The following SPECC1 variants were observed in gnomAD, a reference collection of about 807,000 sequenced individuals.
SPECC1 encodes cytospin-B.
In SPECC1, 62 loss-of-function variants were observed where a neutral mutation model predicts 104.1. The observed-to-expected ratio is 0.60, with a 90% CI of 0.49 to 0.74. The LOEUF (loss-of-function observed/expected upper bound fraction) is 0.74, where lower values mean the gene tolerates loss of function less well. SPECC1 is among the 30% of genes least tolerant of loss of function. The pLI is 0.00. For missense variants in SPECC1, 1,306 were observed against 1,310.5 expected (o/e 1.00, Z 0.05); for synonymous variants, 513 against 501.6 (o/e 1.02, Z -0.30).
chr17:20,250,763 T>C (rs1328423499), intron 9 of SPECC1, among the ~76,000 whole-genome samples: 1 of 152,152 alleles, frequency 6.6e-6, no homozygotes, highest in Non-Finnish European at 1.5e-5. Context: ...ACAAGAAAAT[T>C]AAAAGGTCTT....
At chr17:20,259,735 CTCTTGGGCTCAAGAGATCTTCTTCCCTT>C (rs1440837156) in intron 11 of SPECC1, among the ~76,000 whole-genome samples, 1 of 152,068 alleles carries the variant, frequency 6.6e-6, no homozygotes, top group African/African-American at 2.4e-5. Context: ...TGGTCTTGAA[CTCTTGGGCTCAAGAGATCTTCTTCCCTT>C]GGCTCGTAAA....
chr17:20,239,098 G>A, intron 7 of SPECC1: 1 of 1,031,090 alleles, frequency 9.7e-7, no homozygotes, highest in Non-Finnish European at 1.2e-6. Context: ...AAAAGGGCAT[G>A]GAGTAAAAAT....
At chr17:20,263,008 A>C (rs1180442812) in intron 12 of SPECC1, among the ~76,000 whole-genome samples, 1 of 151,246 alleles carries the variant, frequency 6.6e-6, no homozygotes, top group Non-Finnish European at 1.5e-5. Flanking sequence ...GAAAAGAAAA[A>C]CCTGTCATGC....
At chr17:20,038,458 G>A (rs1031253469) in intron 1 of SPECC1, among the ~76,000 whole-genome samples, 3 of 145,190 alleles carry the variant, frequency 2.1e-5, no homozygotes, top group African/African-American at 7.8e-5. Context: ...GGCGTGCAGT[G>A]GCACAATCTT....
intron 1 of SPECC1, among the ~76,000 whole-genome samples, chr17:20,013,030 A>T (rs902859945): frequency 6.6e-6 from 1 of 152,170 alleles, no homozygotes; most frequent in South Asian, 2.1e-4. Flanking sequence ...CATGTGTCAG[A>T]ATTTTCTTCA....
At chr17:20,214,556 G>A (rs1173175517) in intron 4 of SPECC1, among the ~76,000 whole-genome samples, 5 of 152,170 alleles carry the variant, frequency 3.3e-5, no homozygotes, top group Non-Finnish European at 7.3e-5. Context: ...TATCCAGGCT[G>A]AGTGCAGTGG....
At chr17:20,156,620 C>G (rs1028396746) in intron 3 of SPECC1, among the ~76,000 whole-genome samples, 3 of 152,076 alleles carry the variant, frequency 2.0e-5, no homozygotes, top group Non-Finnish European at 4.4e-5. Flanking sequence ...TGTCGGCCGC[C>G]GGCCCCGCAG....
intron 1 of SPECC1, among the ~76,000 whole-genome samples, chr17:20,065,514 A>G (rs567544710): frequency 4.6e-5 from 7 of 152,312 alleles, no homozygotes; most frequent in Admixed American, 3.3e-4. Context: ...GTGTAGGACA[A>G]AGGATGGGGA....
At chr17:20,064,614 G>A (rs1216099998) in intron 1 of SPECC1, among the ~76,000 whole-genome samples, 1 of 152,022 alleles carries the variant, frequency 6.6e-6, no homozygotes, top group Non-Finnish European at 1.5e-5. Context: ...ACCTCTCAAG[G>A]TCATGCTACA....
intron 2 of SPECC1, among the ~76,000 whole-genome samples, chr17:20,102,626 G>A (rs187772971): frequency 4.1e-4 from 62 of 152,320 alleles, no homozygotes; most frequent in African/African-American, 1.4e-3. Context: ...ATCACAGGCA[G>A]GCACACTATG....
chr17:20,033,265 G>GTA (rs1156355649), intron 1 of SPECC1, among the ~76,000 whole-genome samples: 1 of 151,846 alleles, frequency 6.6e-6, no homozygotes. Flanking sequence ...TGTCCGGCCT[G>GTA]TATATATATA....
chr17:20,261,568 AG>A (rs1567589918), intron 12 of SPECC1, among the ~76,000 whole-genome samples: 2 of 151,726 alleles, frequency 1.3e-5, no homozygotes, highest in Non-Finnish European at 2.9e-5. Context: ...CCAAGAAGAC[AG>A]CTTTTGCTGA....
At chr17:20,208,441 T>C (rs1004140322) in intron 4 of SPECC1, among the ~76,000 whole-genome samples, 1 of 152,258 alleles carries the variant, frequency 6.6e-6, no homozygotes, top group Non-Finnish European at 1.5e-5. Flanking sequence ...AATGGACTAA[T>C]ACTGATTGTA....
chr17:20,270,525 CAG>C (rs1448119693), intron 12 of SPECC1, among the ~76,000 whole-genome samples: 2 of 139,266 alleles, frequency 1.4e-5, no homozygotes, highest in South Asian at 2.3e-4. Flanking sequence ...AGGCTGAAGA[CAG>C]AGACTTACTT....
intron 13 of SPECC1, among the ~76,000 whole-genome samples, chr17:20,303,690 C>G (rs1224994513): frequency 2.6e-5 from 4 of 152,154 alleles, no homozygotes; most frequent in African/African-American, 9.7e-5. Context: ...CTGTGGCTCA[C>G]GTCTGTAATC....
intron 3 of SPECC1, chr17:20,112,356 C>G: frequency 1.3e-6 from 1 of 756,924 alleles, no homozygotes; most frequent in Non-Finnish European, 2.5e-6. Flanking sequence ...TGTATTGACT[C>G]ATTGATTGAA....
intron 12 of SPECC1, 117 bp from the exon 13 acceptor site, chr17:20,296,844 C>G (rs1598160273): frequency 2.2e-6 from 2 of 893,796 alleles, no homozygotes; most frequent in Middle Eastern, 3.1e-4. Context: ...TATAGGAATG[C>G]TTGTGATTTT....
chr17:20,242,088 G>A (rs2039227470), intron 7 of SPECC1, among the ~76,000 whole-genome samples: 2 of 152,200 alleles, frequency 1.3e-5, no homozygotes, highest in Admixed American at 1.3e-4. Flanking sequence ...AATTGTGAAG[G>A]TAGCAGTGGT....
chr17:20,048,851 C>G (rs1394375599), intron 1 of SPECC1, among the ~76,000 whole-genome samples: 2 of 151,860 alleles, frequency 1.3e-5, no homozygotes, highest in African/African-American at 4.8e-5. Flanking sequence ...GAGATCATAC[C>G]ATGGCATTCC....
Sources: gnomAD v4.1 joint callset for allele counts (sites outside exome capture counted in the v4.1 genomes callset) on GRCh38, gnomAD v4.1.1 for gene constraint, MANE v1.5 for transcripts, NCBI Gene and HGNC (gene_info 2026-07-23, HGNC 2026-07-21) for gene names.